SSBP2: variants seen among roughly 807,000 people sequenced by gnomAD.
SSBP2 encodes the protein single stranded DNA binding protein 2.
A neutral mutation model predicts 61.8 loss-of-function variants in SSBP2; 17 were observed. The observed-to-expected ratio is 0.28, with a 90% CI of 0.19 to 0.41. SSBP2 has a LOEUF of 0.41. Among genes scored for constraint, SSBP2 ranks in the 10% least tolerant of loss-of-function variants. The pLI is 1.00. For missense variants in SSBP2, 310 were observed against 458.7 expected (o/e 0.68, Z 2.96); for synonymous variants, 139 against 141.3 (o/e 0.98, Z 0.12).
At chr5:81,615,279 C>T in intron 4 of SSBP2, 194 bp downstream of exon 4, 1 of 582,236 alleles carries the variant, frequency 1.7e-6, no homozygotes. Flanking sequence ...ACGCTTTATC[C>T]TAAGCTTTAA....
chr5:81,660,107 G>A (rs955103359), intron 1 of SSBP2, among the ~76,000 whole-genome samples: 1 of 152,098 alleles, frequency 6.6e-6, no homozygotes, highest in African/African-American at 2.4e-5. Context: ...ACACAGGCAT[G>A]AGCAAAAACT....
chr5:81,487,297 C>T (rs193158416), intron 6 of SSBP2, among the ~76,000 whole-genome samples: 362 of 152,210 alleles, frequency 2.4e-3, no homozygotes, highest in African/African-American at 8.3e-3. Flanking sequence ...ACTACAAACT[C>T]TTTGTGAGTA....
At chr5:81,514,478 C>T (rs1768856286) in intron 4 of SSBP2, among the ~76,000 whole-genome samples, 2 of 152,012 alleles carry the variant, frequency 1.3e-5, no homozygotes, top group Admixed American at 6.6e-5. Flanking sequence ...AGATTTAATA[C>T]TTACATAGGG....
intron 5 of SSBP2, among the ~76,000 whole-genome samples, chr5:81,502,798 G>A (rs1450721656): frequency 6.6e-6 from 1 of 152,054 alleles, no homozygotes; most frequent in Non-Finnish European, 1.5e-5. Context: ...AAATCTGTTG[G>A]ATCAAAATTG....
chr5:81,746,689 A>C (rs770381112), intron 1 of SSBP2, among the ~76,000 whole-genome samples: 1 of 152,124 alleles, frequency 6.6e-6, no homozygotes, highest in Non-Finnish European at 1.5e-5. Context: ...AACATTGAAA[A>C]TTTAAAAGCC....
At chr5:81,539,928 T>C (rs1348044576) in intron 4 of SSBP2, among the ~76,000 whole-genome samples, 2 of 152,116 alleles carry the variant, frequency 1.3e-5, no homozygotes, top group Non-Finnish European at 2.9e-5. Flanking sequence ...GTGTGTGATG[T>C]TCCCCTCCCT....
At chr5:81,524,959 G>C (rs1316298357) in intron 4 of SSBP2, among the ~76,000 whole-genome samples, 1 of 151,474 alleles carries the variant, frequency 6.6e-6, no homozygotes, top group Non-Finnish European at 1.5e-5. Flanking sequence ...TCCTATGGCA[G>C]GGAAAATATA....
intron 4 of SSBP2, among the ~76,000 whole-genome samples, chr5:81,550,862 C>T (rs553796714): frequency 7.0e-4 from 107 of 152,086 alleles, no homozygotes; most frequent in African/African-American, 2.5e-3. Flanking sequence ...TTCGGGAGGC[C>T]GAGGCAGGTG....
chr5:81,538,660 G>C lies in SSBP2; in HGVS notation c.283-24943C>G, dbSNP rs145646330. On this transcript the variant is annotated intron_variant, in intron 4 of 16. Transcript: ENST00000320672. ...TCTTGTTAGCAGCTAATGCAGTTGG[G>C]GGCTTTAAGCTGAAGCCAATGCTCA... 4.6e-5 allele frequency among the ~76,000 whole-genome samples: 7 copies of C among 152,314 alleles called. No homozygotes were observed. The East Asian group carries it at 1.2e-3, about 25-fold the overall frequency.
intron 4 of SSBP2, among the ~76,000 whole-genome samples, chr5:81,593,398 C>A (rs1413103590): frequency 6.6e-6 from 1 of 152,124 alleles, no homozygotes; most frequent in African/African-American, 2.4e-5. Context: ...GAGAATGGAA[C>A]CAAGTTGGAA....
At chr5:81,513,184 TCAAA>T (rs1219646227) in intron 5 of SSBP2, among the ~76,000 whole-genome samples, 4 of 152,094 alleles carry the variant, frequency 2.6e-5, no homozygotes, top group Non-Finnish European at 4.4e-5. Context: ...AAGATAATTC[TCAAA>T]CATATTTTGA....
intron 4 of SSBP2, among the ~76,000 whole-genome samples, chr5:81,570,690 A>G (rs1160187797): frequency 7.6e-6 from 1 of 131,482 alleles, no homozygotes; most frequent in African/African-American, 3.2e-5. Flanking sequence ...GCGTAAAATA[A>G]TTAAAATTTT....
At chr5:81,587,893 A>G (rs1024175006) in intron 4 of SSBP2, among the ~76,000 whole-genome samples, 2 of 152,212 alleles carry the variant, frequency 1.3e-5, no homozygotes, top group African/African-American at 2.4e-5. Flanking sequence ...AGATGGAGAC[A>G]CTGAGCCCAA....
intron 16 of SSBP2, among the ~76,000 whole-genome samples, chr5:81,425,682 G>C (rs1761907463): frequency 6.6e-6 from 1 of 151,810 alleles, no homozygotes; most frequent in African/African-American, 2.4e-5. Context: ...ACACTAGGGG[G>C]CATCTTTGTT....
At chr5:81,539,876 T>C (rs997899860) in intron 4 of SSBP2, among the ~76,000 whole-genome samples, 4 of 152,198 alleles carry the variant, frequency 2.6e-5, no homozygotes, top group Non-Finnish European at 5.9e-5. Context: ...GTATTTCTCC[T>C]AATGCTATCC....
chr5:81,664,664 G>A lies in SSBP2; in HGVS notation c.63-14325C>T, dbSNP rs899206386. ...AAATACCATACTGTTCGACAACATG[G>A]AAGTTACTAAACAATTCGTTCACAC... On this transcript the variant is annotated intron_variant, in intron 1 of 16. Transcript: ENST00000320672. 4.6e-5 allele frequency among the ~76,000 whole-genome samples: 7 copies of A among 152,122 alleles called. 1 individual carries two copies. The highest frequency in any genetic ancestry group is 1.5e-5 in the Non-Finnish European group (1 of 68,036).
At position 81,420,368 on chromosome 5, in the gene SSBP2, C is replaced by A; in HGVS notation, c.*136G>T. On this transcript the variant is annotated 3_prime_UTR_variant, in exon 17 of 17. Coordinates refer to ENST00000320672, the MANE Select transcript of SSBP2 (RefSeq NM_012446.5). Reference sequence around the variant, plus strand: ...TTTCTTCACAAAAGAGGGGAGAGAGCAGGAAATAAAAAGGTTGGTTTGGTG... The same window carrying A: ...TTTCTTCACAAAAGAGGGGAGAGAGAAGGAAATAAAAAGGTTGGTTTGGTG... 2.6e-6 allele frequency: 2 copies of A among 776,252 alleles called. No homozygotes were observed. Among genetic ancestry groups the A allele is most frequent in the Non-Finnish European group, 4.4e-6 (2 of 457,916 alleles). 48.1% of individuals were successfully genotyped at this position (776,252 alleles called of 1,614,324 possible).
intron 4 of SSBP2, among the ~76,000 whole-genome samples, chr5:81,544,175 G>A (rs1771534866): frequency 6.6e-6 from 1 of 152,060 alleles, no homozygotes; most frequent in Non-Finnish European, 1.5e-5. Flanking sequence ...TCAGCCTCCT[G>A]AGTAGCTGGG....
intron 2 of SSBP2, among the ~76,000 whole-genome samples, chr5:81,649,589 A>C (rs1749560597): frequency 2.0e-5 from 3 of 152,114 alleles, no homozygotes; most frequent in Admixed American, 2.0e-4. Flanking sequence ...CATGGACATA[A>C]ACACGGGAAC....
Sources: gnomAD v4.1 joint callset for allele counts (sites outside exome capture counted in the v4.1 genomes callset) on GRCh38, gnomAD v4.1.1 for gene constraint, MANE v1.5 for transcripts, NCBI Gene and HGNC (gene_info 2026-07-23, HGNC 2026-07-21) for gene names.